The following LMNB2 variants were observed in gnomAD, a reference collection of about 807,000 sequenced individuals.
LMNB2 encodes the protein lamin B2.
LMNB2 carries 17 observed loss-of-function variants against 69.3 expected under a neutral mutation model. The ratio of observed to expected loss-of-function variants is 0.25; its 90% confidence interval spans 0.17 to 0.37. The LOEUF (loss-of-function observed/expected upper bound fraction) is 0.37, where lower values mean the gene tolerates loss of function less well. Among genes scored for constraint, LMNB2 ranks in the 10% least tolerant of loss-of-function variants. LMNB2 has a pLI of 1.00. For synonymous variants in LMNB2, 397 were observed against 389.3 expected (o/e 1.02, Z -0.23); for missense variants, 789 against 883.6 (o/e 0.89, Z 1.36).
chr19:2,434,691 C>T (rs1366293217), intron 6 of LMNB2, 97 bp downstream of exon 6: 20 of 1,520,326 alleles, frequency 1.3e-5, no homozygotes, highest in Admixed American at 2.0e-5. Context: ...GGGCTGCATC[C>T]GATGCCAAGA....
chr19:2,439,001 C>T (rs1971860595), intron 2 of LMNB2, among the ~76,000 whole-genome samples: 1 of 139,154 alleles, frequency 7.2e-6, no homozygotes, highest in Admixed American at 7.3e-5. Context: ...TTTAAACACA[C>T]AAATACTACC....
Position 2,453,455 on chromosome 19 carries a change from C to G in LMNB2, c.264+3215G>C, listed in dbSNP as rs1972052544. ...CTCCATGTGGGCCCACATGACGTCC[C>G]CCCACCAGCGGCCCCCACCCCAGCA... On this transcript the variant is annotated intron_variant, in intron 1 of 11. Coordinates refer to ENST00000325327, the MANE Select transcript of LMNB2 (RefSeq NM_032737.4). The surrounding 1 kb of genome is among the most constrained non-coding windows in gnomAD (Gnocchi z 4.4). 6.6e-6 allele frequency among the ~76,000 whole-genome samples: 1 copy of G among 151,942 alleles called. No individual in the cohort carries two copies. The highest frequency in any genetic ancestry group is 2.4e-5 in the African/African-American group (1 of 41,382).
chr19:2,432,659 G>T, intron 8 of LMNB2, 136 bp from the exon 9 acceptor site: 1 of 759,116 alleles, frequency 1.3e-6, no homozygotes, highest in Admixed American at 1.9e-5. Flanking sequence ...CCATGCCCTG[G>T]TCATTCCAGT....
chr19:2,429,177 AC>A lies in LMNB2; in HGVS notation c.*1733del, dbSNP rs1200765886. 2 of 152,116 alleles carry A rather than the reference AC, an allele frequency of 1.3e-5. No homozygotes were observed. Among genetic ancestry groups the A allele is most frequent in the African/African-American group, 4.8e-5 (2 of 41,378 alleles). 9.4% of individuals were successfully genotyped at this position (152,116 alleles called of 1,614,324 possible). On this transcript the variant is annotated 3_prime_UTR_variant, in exon 12 of 12. Transcript: ENST00000325327. ...AAGATCACCAAGACCCACCCCCAGA[AC>A]CCTCGCTAGCACGAAGCCCAGCCAG...
chr19:2,454,505 A>G (rs1972067149), intron 1 of LMNB2, among the ~76,000 whole-genome samples: 2 of 152,068 alleles, frequency 1.3e-5, no homozygotes, highest in South Asian at 4.1e-4. Flanking sequence ...CACCCATTCC[A>G]AAGGCGAGGG....
At chr19:2,441,764 C>A (rs1300834366) in intron 2 of LMNB2, among the ~76,000 whole-genome samples, 2 of 152,180 alleles carry the variant, frequency 1.3e-5, no homozygotes, top group African/African-American at 4.8e-5. Context: ...TGGGAGACAA[C>A]CCTGGGGGCA....
chr19:2,455,161 C>T (rs889238043), intron 1 of LMNB2, among the ~76,000 whole-genome samples: 2 of 151,978 alleles, frequency 1.3e-5, no homozygotes, highest in Non-Finnish European at 2.9e-5. Context: ...AGATGAGGGG[C>T]CTAATTCCCA....
At chr19:2,445,222 G>A (rs1003889551) in intron 1 of LMNB2, among the ~76,000 whole-genome samples, 13 of 142,282 alleles carry the variant, frequency 9.1e-5, no homozygotes, top group Admixed American at 6.5e-4. Context: ...CTGGGCCCCT[G>A]AGACTCCCCC....
At chr19:2,446,429 CA>C (rs1971956985) in intron 1 of LMNB2, among the ~76,000 whole-genome samples, 1 of 152,102 alleles carries the variant, frequency 6.6e-6, no homozygotes, top group African/African-American at 2.4e-5. Context: ...CATGCGGTGC[CA>C]GGGAAGGCGA....
At chr19:2,451,811 T>C (rs1180597434) in intron 1 of LMNB2, among the ~76,000 whole-genome samples, 4 of 151,474 alleles carry the variant, frequency 2.6e-5, no homozygotes, top group Non-Finnish European at 5.9e-5. Context: ...ACTACAGCCC[T>C]GTGCAGAAAA....
chr19:2,434,882 T>C lies in LMNB2; in HGVS notation c.887A>G (p.Asn296Ser). 1.2e-6 allele frequency: 2 copies of C among 1,606,966 alleles called. No homozygotes were observed. The highest frequency in any genetic ancestry group is 1.7e-6 in the Non-Finnish European group (2 of 1,179,408). The change falls in exon 6 of 12, where the codon AAC (asparagine) becomes AGC (serine). Residue 296 changes from asparagine to serine, a missense_variant. Asn to Ser is a conservative substitution (Grantham distance 46). Transcript: ENST00000325327. ...GCGAGCCGCACTGGCCGCCTTGTCG[T>C]TCTGGTCAGAGCTCAGCTTGGCGCT... ...LDSAKLSSDQ[N>S]DKAASAAREE... is the part of the protein sequence containing the mutation.
intron 2 of LMNB2, among the ~76,000 whole-genome samples, chr19:2,444,130 C>T (rs1336060638): frequency 6.6e-6 from 1 of 152,206 alleles, no homozygotes; most frequent in Non-Finnish European, 1.5e-5. Flanking sequence ...GCCAGGCTGA[C>T]CAGGAAGCCC....
Position 2,440,192 on chromosome 19 carries a change from C to T in LMNB2, c.402-1661G>A, listed in dbSNP as rs866943747. On this transcript the variant is annotated intron_variant, in intron 2 of 11. Transcript: ENST00000325327. ...ATATCAATTCTACAGATGGCTGTATCTTTTTTTTTTTTTTTGAGATGGAGT... is the reference window on the plus strand; with the variant it reads ...ATATCAATTCTACAGATGGCTGTATTTTTTTTTTTTTTTTTGAGATGGAGT... 4.4e-3 allele frequency among the ~76,000 whole-genome samples: 616 copies of T among 140,108 alleles called. 3 individuals are homozygous for T. Among genetic ancestry groups the T allele is most frequent in the South Asian group, 0.011 (49 of 4,298 alleles). The allele number at this position is 140,108 out of a possible 152,430, so 91.9% of individuals were successfully genotyped here.
intron 2 of LMNB2, among the ~76,000 whole-genome samples, chr19:2,439,521 AACC>A (rs1055638912): frequency 6.6e-5 from 10 of 152,242 alleles, no homozygotes; most frequent in Non-Finnish European, 7.4e-5. Context: ...CAGTTTTGAC[AACC>A]ACAAGTGTCC....
At chr19:2,446,359 A>C (rs1257293861) in intron 1 of LMNB2, among the ~76,000 whole-genome samples, 1 of 151,786 alleles carries the variant, frequency 6.6e-6, no homozygotes, top group Non-Finnish European at 1.5e-5. Context: ...CCCCTCCCTA[A>C]GCCCCGCGCA....
At chr19:2,450,110 A>T (rs541485616) in intron 1 of LMNB2, among the ~76,000 whole-genome samples, 2 of 144,392 alleles carry the variant, frequency 1.4e-5, no homozygotes, top group Non-Finnish European at 3.0e-5. Context: ...ACATATACAT[A>T]TATATATACA....
intron 2 of LMNB2, among the ~76,000 whole-genome samples, chr19:2,441,079 G>A (rs990426846): frequency 2.0e-5 from 3 of 152,280 alleles, no homozygotes; most frequent in Admixed American, 6.5e-5. Context: ...GTGCCAGAGC[G>A]ATGGTCGGAC....
chr19:2,432,279 T>C (rs2145445230), intron 9 of LMNB2, 137 bp downstream of exon 9: 1 of 758,514 alleles, frequency 1.3e-6, no homozygotes, highest in South Asian at 1.5e-5. Context: ...GTTCTATGAC[T>C]GCGGCAGCCG....
At chr19:2,438,672 C>A (rs1013112727) in intron 2 of LMNB2, 141 bp from the exon 3 acceptor site, 11 of 984,426 alleles carry the variant, frequency 1.1e-5, no homozygotes, top group Non-Finnish European at 1.6e-5. Context: ...GCAGACGACG[C>A]GGCCCCACGC....
Sources: allele counts gnomAD v4.1 joint callset (sites outside exome capture counted in the v4.1 genomes callset), GRCh38; gene constraint gnomAD v4.1.1; non-coding constraint Gnocchi (gnomAD v3.1); transcripts MANE v1.5; gene names NCBI Gene and HGNC (gene_info 2026-07-23, HGNC 2026-07-21).